The following OPCML variants were observed in gnomAD, a reference collection of about 807,000 sequenced individuals.
OPCML encodes opioid binding protein/cell adhesion molecule like, also known as opioid-binding protein/cell adhesion molecule.
OPCML carries 13 observed loss-of-function variants against 37.8 expected under a neutral mutation model. The ratio of observed to expected loss-of-function variants is 0.34; its 90% CI spans 0.22 to 0.55. The LOEUF (loss-of-function observed/expected upper bound fraction) is 0.55, where lower values mean the gene tolerates loss of function less well. OPCML is among the 20% of genes least tolerant of loss of function. OPCML has a pLI of 0.91. For missense variants in OPCML, 341 were observed against 435.6 expected, an observed-to-expected ratio of 0.78 and a Z score of 1.93; for synonymous variants, 176 against 168.8, an observed-to-expected ratio of 1.04 and a Z score of -0.33.
Position 132,635,434 on chromosome 11 carries a change from C to G in OPCML, c.379+21653G>C, listed in dbSNP as rs554951901. ...TGATCGATGGCTTATATGAAAGGTC[C>G]TCATCAAAGCATATGATTTAGAAAA... On this transcript the variant is annotated intron_variant, in intron 3 of 7. Coordinates refer to ENST00000524381, the MANE Select transcript of OPCML (RefSeq NM_001012393.5). 2.0e-5 allele frequency among the ~76,000 whole-genome samples: 3 copies of G among 151,754 alleles called. No homozygotes were observed. In the East Asian group the frequency reaches 5.8e-4, roughly 30 times the overall value.
chr11:133,507,807 C>T (rs1221036877), intron 1 of OPCML, among the ~76,000 whole-genome samples: 2 of 152,000 alleles, frequency 1.3e-5, no homozygotes, highest in Non-Finnish European at 1.5e-5. Context: ...GTTAGCCAGG[C>T]GTGGTGACGG....
chr11:132,489,725 A>T (rs532830219), intron 4 of OPCML, among the ~76,000 whole-genome samples: 2 of 152,094 alleles, frequency 1.3e-5, no homozygotes, highest in South Asian at 4.2e-4. Context: ...CAGAATGTGC[A>T]GGTTTGTTAC....
At chr11:133,086,430 A>G (rs964485391) in intron 1 of OPCML, among the ~76,000 whole-genome samples, 2 of 152,170 alleles carry the variant, frequency 1.3e-5, no homozygotes, top group East Asian at 1.9e-4. Flanking sequence ...GGAAATGCAG[A>G]TAAGTTCAAT....
At chr11:132,501,027 G>A (rs2096244393) in intron 4 of OPCML, among the ~76,000 whole-genome samples, 1 of 152,192 alleles carries the variant, frequency 6.6e-6, no homozygotes, top group African/African-American at 2.4e-5. Context: ...ATGTGCATGT[G>A]TCTTTATAGT....
At chr11:133,350,781 G>A (rs1215209520) in intron 1 of OPCML, among the ~76,000 whole-genome samples, 1 of 152,162 alleles carries the variant, frequency 6.6e-6, no homozygotes, top group Admixed American at 6.5e-5. Flanking sequence ...CTATGTACTA[G>A]GCATACACAC....
intron 1 of OPCML, among the ~76,000 whole-genome samples, chr11:132,995,292 G>C (rs554005392): frequency 1.4e-4 from 22 of 152,110 alleles, no homozygotes; most frequent in Non-Finnish European, 3.1e-4. Context: ...TGCTGTGCTC[G>C]TTTATGAAGG....
At chr11:133,392,447 G>A (rs766204144) in intron 1 of OPCML, among the ~76,000 whole-genome samples, 1 of 152,214 alleles carries the variant, frequency 6.6e-6, no homozygotes, top group Non-Finnish European at 1.5e-5. Context: ...GCCCAAAGGA[G>A]AGGCTAGGAA....
chr11:133,036,433 T>C (rs1289115800), intron 1 of OPCML, among the ~76,000 whole-genome samples: 1 of 152,244 alleles, frequency 6.6e-6, no homozygotes, highest in East Asian at 1.9e-4. Flanking sequence ...CATGCCCACA[T>C]GCTATAATTA....
In OPCML at chr11:132,534,031, G is replaced by A. The variant is rs192875849; in HGVS notation, c.380-4845C>T. 4.1e-4 allele frequency among the ~76,000 whole-genome samples: 63 copies of A among 152,228 alleles called. 1 individual carries two copies. The highest frequency in any genetic ancestry group is 3.1e-3 in the Admixed American group (47 of 15,286). On this transcript the variant is annotated intron_variant, in intron 3 of 7. Coordinates refer to ENST00000524381, the MANE Select transcript of OPCML (RefSeq NM_001012393.5). ...ATAAACATAATGTATGAGTGCATGG[G>A]TTTCTAAATTCAGCATCTTTTAATG...
At chr11:133,520,842 T>C (rs1948382629) in intron 1 of OPCML, among the ~76,000 whole-genome samples, 1 of 152,136 alleles carries the variant, frequency 6.6e-6, no homozygotes, top group Non-Finnish European at 1.5e-5. Context: ...AAGTCCACGT[T>C]CTCTGGCAGG....
intron 2 of OPCML, among the ~76,000 whole-genome samples, chr11:132,752,795 T>C (rs200406451): frequency 7.2e-5 from 11 of 152,190 alleles, no homozygotes; most frequent in East Asian, 1.9e-4. Context: ...GAAGGATAGA[T>C]AGATGATATA....
intron 2 of OPCML, among the ~76,000 whole-genome samples, chr11:132,673,402 T>C (rs1208856517): frequency 6.6e-6 from 1 of 152,138 alleles, no homozygotes; most frequent in Non-Finnish European, 1.5e-5. Context: ...AGTGTCTCTA[T>C]GACTGTCCTC....
chr11:132,760,467 T>TTAATTTGAG (rs2136095575), intron 2 of OPCML, among the ~76,000 whole-genome samples: 1 of 152,332 alleles, frequency 6.6e-6, no homozygotes, highest in South Asian at 2.1e-4. Flanking sequence ...ACTTGCTTTA[T>TTAATTTGAG]TAATTTGAGT....
chr11:132,671,275 A>T (rs796810709), intron 2 of OPCML, among the ~76,000 whole-genome samples: 2 of 152,288 alleles, frequency 1.3e-5, no homozygotes, highest in African/African-American at 4.8e-5. Flanking sequence ...CTTTTCCAGA[A>T]TAGTGGCTTA....
chr11:132,433,100 G>A (rs1278834556), intron 7 of OPCML, among the ~76,000 whole-genome samples: 1 of 152,160 alleles, frequency 6.6e-6, no homozygotes, highest in Non-Finnish European at 1.5e-5. Context: ...GGGTTATAGG[G>A]ACCGTGAATG....
chr11:133,189,643 C>T (rs751445570), intron 1 of OPCML, among the ~76,000 whole-genome samples: 5 of 152,150 alleles, frequency 3.3e-5, no homozygotes, highest in Non-Finnish European at 7.4e-5. Context: ...GAGGTTGTGG[C>T]CAGGTTTCAT....
intron 2 of OPCML, among the ~76,000 whole-genome samples, chr11:132,785,218 A>G (rs1178356910): frequency 6.6e-6 from 1 of 152,188 alleles, no homozygotes; most frequent in Non-Finnish European, 1.5e-5. Flanking sequence ...TCACTATGTG[A>G]TCAGAGCACT....
At position 133,195,323 on chromosome 11, in the gene OPCML, G is replaced by C. The variant is rs546451011; in HGVS notation, c.62-252313C>G. Among the ~76,000 whole-genome samples, 3 of 152,200 alleles carry C rather than the reference G, an allele frequency of 2.0e-5. No homozygotes were observed. The East Asian group carries it at 5.8e-4, about 29-fold the overall frequency. On this transcript the variant is annotated intron_variant, in intron 1 of 7. Transcript: ENST00000524381. ...TGTATTGTGCATGGCAGGTAGCAGC[G>C]GTTCAATAAATGCTCATTGGAGGCC...
At chr11:133,102,040 T>C (rs900970855) in intron 1 of OPCML, among the ~76,000 whole-genome samples, 1 of 152,182 alleles carries the variant, frequency 6.6e-6, no homozygotes, top group Admixed American at 6.5e-5. Context: ...GTAAGAAAAT[T>C]AGTGGTTTCC....
Sources: allele counts gnomAD v4.1 joint callset (sites outside exome capture counted in the v4.1 genomes callset), GRCh38; gene constraint gnomAD v4.1.1; transcripts MANE v1.5; gene names NCBI Gene and HGNC (gene_info 2026-07-23, HGNC 2026-07-21).